CERS3: variants seen among roughly 807,000 people sequenced by gnomAD.
CERS3 encodes ceramide synthase 3, also known as LAG1 homolog, ceramide synthase 3.
Under a neutral mutation model 50.3 loss-of-function variants are expected in CERS3, and 33 were observed. The ratio of observed to expected loss-of-function variants is 0.66; its 90% CI spans 0.50 to 0.88. The LOEUF (loss-of-function observed/expected upper bound fraction) is 0.88, where lower values mean the gene tolerates loss of function less well. Among genes scored for constraint, CERS3 ranks in the 40% least tolerant of loss-of-function variants. The pLI is 0.00. For missense variants in CERS3, 470 were observed against 460.3 expected (o/e 1.02, Z -0.19); for synonymous variants, 176 against 155.2 (o/e 1.13, Z -0.99).
At chr15:100,408,398 A>G (rs1214840276) in intron 11 of CERS3, among the ~76,000 whole-genome samples, 1 of 152,224 alleles carries the variant, frequency 6.6e-6, no homozygotes, top group Admixed American at 6.5e-5. Context: ...GTGGCTCTAC[A>G]TGCAAGCACA....
intron 1 of CERS3, among the ~76,000 whole-genome samples, chr15:100,523,467 T>C (rs939524705): frequency 1.3e-4 from 19 of 151,996 alleles, no homozygotes; most frequent in Admixed American, 1.2e-3. Context: ...TTTGGGAGGC[T>C]GAGGCAAGCA....
intron 11 of CERS3, among the ~76,000 whole-genome samples, chr15:100,413,668 T>A (rs2031663406): frequency 6.6e-6 from 1 of 151,548 alleles, no homozygotes; most frequent in African/African-American, 2.4e-5. Context: ...GTAAAAAAAG[T>A]TGGTGAGCAT....
intron 7 of CERS3, among the ~76,000 whole-genome samples, chr15:100,478,523 C>A (rs2035204200): frequency 6.7e-6 from 1 of 149,114 alleles, no homozygotes; most frequent in African/African-American, 2.6e-5. Flanking sequence ...CAGATGATAA[C>A]TGCACACATC....
At chr15:100,500,117 A>C (rs1235786400) in intron 3 of CERS3, 2 of 152,162 alleles carry the variant, frequency 1.3e-5, no homozygotes, top group Admixed American at 1.3e-4. Context: ...AAAAACATAA[A>C]CTTATACTTC....
rs187886115 is a variant in CERS3 at position 100,495,404 on chromosome 15, A to C, written c.174-4473T>G. 3.1e-3 allele frequency among the ~76,000 whole-genome samples: 470 copies of C among 152,330 alleles called. 2 individuals carry two copies. Among genetic ancestry groups the C allele is most frequent in the African/African-American group, 0.01 (432 of 41,570 alleles). ...TGGCTGATTCTCAATTCTGAAAAAA[A>C]CTGACTGTGACAATTTTTGCTAGTT... On this transcript the variant is annotated intron_variant, in intron 3 of 11. Transcript: ENST00000679737.
intron 1 of CERS3, among the ~76,000 whole-genome samples, chr15:100,538,150 C>G (rs988580730): frequency 3.3e-5 from 5 of 152,272 alleles, no homozygotes; most frequent in Non-Finnish European, 7.3e-5. Context: ...TTGGCCAGCT[C>G]TGTCCCTGTG....
intron 11 of CERS3, among the ~76,000 whole-genome samples, chr15:100,447,210 A>G (rs574102703): frequency 2.7e-4 from 41 of 152,326 alleles, no homozygotes; most frequent in African/African-American, 9.9e-4. Context: ...GCTCATCAGC[A>G]TAATAAAACC....
At chr15:100,532,254 A>T (rs1406189929), upstream of CERS3, among the ~76,000 whole-genome samples, 4 of 152,332 alleles carry the variant, frequency 2.6e-5, no homozygotes, top group South Asian at 8.3e-4. Flanking sequence ...CTAATTTCGT[A>T]GAGAAGAAAA....
chr15:100,492,645 CCTAA>C (rs917623305), intron 3 of CERS3, among the ~76,000 whole-genome samples: 10 of 152,110 alleles, frequency 6.6e-5, no homozygotes, highest in African/African-American at 2.2e-4. Flanking sequence ...ATCGTGTTTT[CCTAA>C]CTATTTTATC....
intron 11 of CERS3, among the ~76,000 whole-genome samples, chr15:100,440,037 C>A (rs187112873): frequency 1.3e-5 from 2 of 152,314 alleles, no homozygotes; most frequent in Non-Finnish European, 2.9e-5. Flanking sequence ...CCCCCAGATC[C>A]TTTTCAAGCC....
intron 11 of CERS3, among the ~76,000 whole-genome samples, chr15:100,450,877 A>T (rs942554732): frequency 1.3e-5 from 2 of 152,268 alleles, no homozygotes; most frequent in African/African-American, 4.8e-5. Context: ...GCCAGGGGAA[A>T]ATGGGATGAT....
At chr15:100,421,704 C>T (rs1056298457) in intron 11 of CERS3, among the ~76,000 whole-genome samples, 4 of 149,614 alleles carry the variant, frequency 2.7e-5, no homozygotes, top group Non-Finnish European at 5.9e-5. Context: ...CTACAGTAAC[C>T]AAAACAGCAT....
chr15:100,423,808 G>C (rs1031256241), intron 11 of CERS3, among the ~76,000 whole-genome samples: 1 of 152,100 alleles, frequency 6.6e-6, no homozygotes, highest in African/African-American at 2.4e-5. Context: ...AGATGTGCCT[G>C]CTTCCTCTTC....
At chr15:100,521,516 G>A (rs184095393) in intron 2 of CERS3, among the ~76,000 whole-genome samples, 151 bp downstream of exon 2, 1 of 152,304 alleles carries the variant, frequency 6.6e-6, no homozygotes, top group African/African-American at 2.4e-5. Flanking sequence ...ATAAAGAATA[G>A]CATGGTACTG....
chr15:100,543,919 G>A (rs1171105863), intron 1 of CERS3, among the ~76,000 whole-genome samples: 1 of 152,134 alleles, frequency 6.6e-6, no homozygotes, highest in Non-Finnish European at 1.5e-5. Flanking sequence ...TAAGTAAAAG[G>A]GTATCTTTAG....
At chr15:100,415,283 G>A (rs145000625) in intron 11 of CERS3, among the ~76,000 whole-genome samples, 109 of 152,254 alleles carry the variant, frequency 7.2e-4, no homozygotes, top group Middle Eastern at 6.8e-3. Flanking sequence ...ATAAATCCTG[G>A]TGAGGCTGTG....
intron 2 of CERS3, among the ~76,000 whole-genome samples, chr15:100,504,222 C>T (rs1232250603): frequency 6.7e-6 from 1 of 148,782 alleles, no homozygotes; most frequent in Non-Finnish European, 1.5e-5. Flanking sequence ...GAAAGGCTGC[C>T]TTTTCCTTGG....
intron 2 of CERS3, among the ~76,000 whole-genome samples, chr15:100,521,181 A>C (rs2036628472): frequency 6.6e-6 from 1 of 152,228 alleles, no homozygotes; most frequent in Non-Finnish European, 1.5e-5. Context: ...TCATCAAGTC[A>C]ATATTTGCGA....
chr15:100,498,098 G>A (rs1045079849), intron 3 of CERS3, among the ~76,000 whole-genome samples: 1 of 151,994 alleles, frequency 6.6e-6, no homozygotes, highest in Non-Finnish European at 1.5e-5. Context: ...GTTTCACTAT[G>A]TTGGCCAGGA....
Sources: allele counts gnomAD v4.1 joint callset (sites outside exome capture counted in the v4.1 genomes callset), GRCh38; gene constraint gnomAD v4.1.1; transcripts MANE v1.5; gene names NCBI Gene and HGNC (gene_info 2026-07-23, HGNC 2026-07-21).